DLGAP2: variants seen among roughly 807,000 people sequenced by gnomAD.
DLGAP2 encodes the protein disks large-associated protein 2.
In DLGAP2, 26 loss-of-function variants were observed where a neutral mutation model predicts 100.3. The ratio of observed to expected loss-of-function variants is 0.26; its 90% CI spans 0.19 to 0.36. The LOEUF (loss-of-function observed/expected upper bound fraction) is 0.36. DLGAP2 is among the 10% of genes least tolerant of loss of function. DLGAP2 has a pLI of 1.00. For missense variants in DLGAP2, 1,858 were observed against 1,453.2 expected, an observed-to-expected ratio of 1.28 and a Z score of -4.53; for synonymous variants, 886 against 630.1, an observed-to-expected ratio of 1.41 and a Z score of -6.08.
chr8:936,438 T>C (rs1163539238), intron 2 of DLGAP2, among the ~76,000 whole-genome samples: 1 of 152,196 alleles, frequency 6.6e-6, no homozygotes, highest in Admixed American at 6.5e-5. Flanking sequence ...TTTAAGAACT[T>C]AATGCCTAGG....
intron 3 of DLGAP2, among the ~76,000 whole-genome samples, chr8:1,287,876 G>A (rs1202199347): frequency 8.3e-6 from 1 of 120,618 alleles, no homozygotes; most frequent in East Asian, 2.8e-4. Flanking sequence ...ACTTGTTTTG[G>A]TTCAGCATGT....
At chr8:1,284,844 C>A (rs578133817) in intron 3 of DLGAP2, among the ~76,000 whole-genome samples, 2 of 152,254 alleles carry the variant, frequency 1.3e-5, no homozygotes, top group African/African-American at 4.8e-5. Context: ...CTTCTGGCCT[C>A]CCACCTCAAA....
chr8:1,455,082 T>C (rs1798270020), intron 3 of DLGAP2, among the ~76,000 whole-genome samples: 2 of 152,178 alleles, frequency 1.3e-5, no homozygotes, highest in African/African-American at 4.8e-5. Flanking sequence ...CATCATCAGC[T>C]CCTTGGCTGC....
intron 2 of DLGAP2, among the ~76,000 whole-genome samples, chr8:955,467 T>G (rs1799575802): frequency 6.6e-6 from 1 of 152,104 alleles, no homozygotes; most frequent in African/African-American, 2.4e-5. Context: ...AAGTAAATTC[T>G]ACCTTCTCTG....
At chr8:1,313,701 G>A (rs1385180440) in intron 3 of DLGAP2, among the ~76,000 whole-genome samples, 1 of 152,144 alleles carries the variant, frequency 6.6e-6, no homozygotes, top group African/African-American at 2.4e-5. Context: ...GTCACTACAG[G>A]ACAAAAGAGG....
chr8:767,770 C>T (rs1585841676), intron 1 of DLGAP2, among the ~76,000 whole-genome samples: 1 of 152,176 alleles, frequency 6.6e-6, no homozygotes, highest in Admixed American at 6.5e-5. Context: ...TCTGCAGCTG[C>T]AGCAGAGCTT....
intron 6 of DLGAP2, among the ~76,000 whole-genome samples, chr8:1,624,407 T>C (rs745799009): frequency 9.2e-5 from 14 of 151,900 alleles, no homozygotes; most frequent in Non-Finnish European, 1.5e-4. Context: ...GCTCCATAGC[T>C]CGGGGCTTCG....
intron 3 of DLGAP2, among the ~76,000 whole-genome samples, chr8:1,330,247 A>T (rs1365938706): frequency 6.8e-6 from 1 of 147,146 alleles, no homozygotes; most frequent in East Asian, 2.0e-4. Flanking sequence ...GGGTGGGAGC[A>T]CCGCTTCGCA....
intron 3 of DLGAP2, among the ~76,000 whole-genome samples, chr8:1,457,037 C>G (rs1202974811): frequency 7.9e-5 from 12 of 152,242 alleles, no homozygotes; most frequent in Admixed American, 7.9e-4. Context: ...CTGCAGATCA[C>G]AGGGCTTCAT....
intron 3 of DLGAP2, among the ~76,000 whole-genome samples, chr8:1,466,759 G>A (rs1481197377): frequency 6.6e-6 from 1 of 152,172 alleles, no homozygotes; most frequent in African/African-American, 2.4e-5. Flanking sequence ...CCATTGCGTG[G>A]ATAGTGGTGT....
chr8:1,309,879 G>C (rs914280305), intron 3 of DLGAP2, among the ~76,000 whole-genome samples: 48 of 152,320 alleles, frequency 3.2e-4, no homozygotes, highest in African/African-American at 1.1e-3. Flanking sequence ...CAGATTTCTT[G>C]AGGTCAGGAG....
At chr8:1,041,702 C>T (rs1348014802) in intron 2 of DLGAP2, among the ~76,000 whole-genome samples, 1 of 104,076 alleles carries the variant, frequency 9.6e-6, no homozygotes, top group Non-Finnish European at 1.8e-5. Flanking sequence ...CTCCGAGCCC[C>T]TTGCCGTGGG....
chr8:1,474,802 C>G (rs906508508), intron 3 of DLGAP2, among the ~76,000 whole-genome samples: 10 of 152,178 alleles, frequency 6.6e-5, no homozygotes, highest in Admixed American at 2.0e-4. Context: ...ATTGGTTCAG[C>G]CCCTGTGGAA....
chr8:1,453,447 C>T (rs1407577744), intron 3 of DLGAP2, among the ~76,000 whole-genome samples: 2 of 152,118 alleles, frequency 1.3e-5, no homozygotes, highest in Admixed American at 6.5e-5. Flanking sequence ...CTAATTATTC[C>T]ATACCTAACA....
At chr8:1,276,212 C>T (rs1368198193) in intron 3 of DLGAP2, among the ~76,000 whole-genome samples, 2 of 149,846 alleles carry the variant, frequency 1.3e-5, no homozygotes, top group East Asian at 2.0e-4. Flanking sequence ...ATCAACACTC[C>T]CCCCCCGACC....
rs575094367 is a variant in DLGAP2, at chr8:1,225,461, G to T, written c.74-33390G>T. The stretch of plus-strand genomic sequence containing the variant: ...GGGGAACGGTCACTTACTAGGGTGG[G>T]GTTTCCTTTTGGACTGATGAAAAAC... On this transcript the variant is annotated intron_variant, in intron 2 of 14. Coordinates refer to ENST00000637795, the MANE Select transcript of DLGAP2 (RefSeq NM_001346810.2). Among the ~76,000 whole-genome samples the T allele has an allele frequency of 1.7e-3, 264 of 152,310 alleles. 2 individuals carry two copies. The highest frequency in any genetic ancestry group is 5.1e-3 in the African/African-American group (214 of 41,582).
chr8:1,322,844 G>A (rs1274350510), intron 3 of DLGAP2, among the ~76,000 whole-genome samples: 9 of 152,098 alleles, frequency 5.9e-5, no homozygotes, highest in African/African-American at 1.9e-4. Flanking sequence ...ATATTTGTAG[G>A]TTTCTATGAT....
At chr8:838,661 G>T (rs1248808438) in intron 1 of DLGAP2, among the ~76,000 whole-genome samples, 1 of 151,910 alleles carries the variant, frequency 6.6e-6, no homozygotes, top group Non-Finnish European at 1.5e-5. Flanking sequence ...TTTTACTCCT[G>T]ACTATATTGT....
intron 1 of DLGAP2, among the ~76,000 whole-genome samples, chr8:884,341 C>T (rs916034879): frequency 2.4e-4 from 37 of 152,122 alleles, no homozygotes; most frequent in African/African-American, 8.7e-4. Context: ...TTCTGACTGG[C>T]ATGAGATGGT....
Sources: gnomAD v4.1 joint callset for allele counts (sites outside exome capture counted in the v4.1 genomes callset) on GRCh38, gnomAD v4.1.1 for gene constraint, MANE v1.5 for transcripts, NCBI Gene and HGNC (gene_info 2026-07-23, HGNC 2026-07-21) for gene names.